RSPO2: variants seen among roughly 807,000 people sequenced by gnomAD.
RSPO2 encodes R-spondin 2.
Under a neutral mutation model 30.9 loss-of-function variants are expected in RSPO2, and 14 were observed. The observed-to-expected ratio is 0.45, with a 90% CI of 0.30 to 0.71. The LOEUF (loss-of-function observed/expected upper bound fraction) is 0.71, where lower values mean the gene tolerates loss of function less well. Ranked by LOEUF, RSPO2 falls within the 30% of genes least tolerant of loss-of-function variation. The probability of loss-of-function intolerance (pLI) is 0.08; values close to 1 mark genes in which losing one functional copy is unlikely to be tolerated. For missense variants in RSPO2, 264 were observed against 301.9 expected (o/e 0.87, Z 0.93); for synonymous variants, 107 against 96.4 (o/e 1.11, Z -0.64).
chr8:108,030,582 C>T (rs1371830336), intron 2 of RSPO2, among the ~76,000 whole-genome samples: 1 of 152,182 alleles, frequency 6.6e-6, no homozygotes, highest in African/African-American at 2.4e-5. Context: ...ACACACCATC[C>T]TTTAATCATC....
intron 2 of RSPO2, among the ~76,000 whole-genome samples, chr8:108,030,360 T>C (rs1811382358): frequency 6.6e-6 from 1 of 152,160 alleles, no homozygotes; most frequent in Non-Finnish European, 1.5e-5. Context: ...CAGTAGCAAC[T>C]TGGGACATTT....
intron 4 of RSPO2, among the ~76,000 whole-genome samples, chr8:107,960,046 C>T (rs534375569): frequency 6.6e-6 from 1 of 152,210 alleles, no homozygotes; most frequent in Non-Finnish European, 1.5e-5. Flanking sequence ...TAGCCACTGA[C>T]AGATCTTTAC....
chr8:108,080,878 A>G (rs1354094095), intron 2 of RSPO2, among the ~76,000 whole-genome samples: 1 of 152,182 alleles, frequency 6.6e-6, no homozygotes, highest in Non-Finnish European at 1.5e-5. Context: ...GCCTCTCCAA[A>G]CACTTTTGAC....
chr8:108,062,141 C>G (rs1423816551), intron 2 of RSPO2, among the ~76,000 whole-genome samples: 1 of 151,696 alleles, frequency 6.6e-6, no homozygotes, highest in Non-Finnish European at 1.5e-5. Context: ...GAAGCAGAAG[C>G]AAACACATTC....
chr8:108,076,049 G>A (rs925231589), intron 2 of RSPO2, among the ~76,000 whole-genome samples: 1 of 152,176 alleles, frequency 6.6e-6, no homozygotes, highest in African/African-American at 2.4e-5. Flanking sequence ...AACTATGAGG[G>A]AATAATTGAT....
intron 2 of RSPO2, among the ~76,000 whole-genome samples, chr8:108,069,038 G>A (rs1007683889): frequency 2.0e-5 from 3 of 152,184 alleles, no homozygotes; most frequent in Non-Finnish European, 4.4e-5. Flanking sequence ...TAGGCTAAGA[G>A]CCTTCATCTG....
chr8:108,055,624 T>C (rs1812220170), intron 2 of RSPO2, among the ~76,000 whole-genome samples: 1 of 152,090 alleles, frequency 6.6e-6, no homozygotes, highest in African/African-American at 2.4e-5. Context: ...TAATGGGTGT[T>C]GAGGAGAAAA....
rs767290459 is a variant in RSPO2, at chr8:107,951,043, G to GTTTTTTTTT, written c.616+7028_616+7036dup. On this transcript the variant is annotated intron_variant, in intron 5 of 5. Transcript: ENST00000276659. ...TGTGATGAGGCGATAGGGAGAATAAGTTTTTTTTTGTTGTTGTTGTTGTTG... is the reference window on the plus strand; with the variant it reads ...TGTGATGAGGCGATAGGGAGAATAAGTTTTTTTTTTTTTTTTTTGTTGTTGTTGTTGTTG... Among the ~76,000 whole-genome samples the GTTTTTTTTT allele has an allele frequency of 2.8e-4, 24 of 85,880 alleles. 1 individual carries two copies. Among genetic ancestry groups the GTTTTTTTTT allele is most frequent in the African/African-American group, 8.0e-4 (23 of 28,586 alleles). The allele number at this position is 85,880 out of a possible 152,430, so 56.3% of individuals were successfully genotyped here.
intron 5 of RSPO2, among the ~76,000 whole-genome samples, chr8:107,957,168 T>C (rs1813458952): frequency 6.6e-6 from 1 of 152,212 alleles, no homozygotes; most frequent in African/African-American, 2.4e-5. Flanking sequence ...TATATTCTCT[T>C]TCTGGGCTAT....
chr8:107,962,583 G>A (rs1813663287), intron 3 of RSPO2, among the ~76,000 whole-genome samples: 1 of 152,122 alleles, frequency 6.6e-6, no homozygotes, highest in Non-Finnish European at 1.5e-5. Context: ...CTTACATGCT[G>A]TAACCTATAT....
intron 5 of RSPO2, among the ~76,000 whole-genome samples, chr8:107,918,430 T>C (rs1286885840): frequency 6.6e-6 from 1 of 152,208 alleles, no homozygotes; most frequent in African/African-American, 2.4e-5. Context: ...ATGCCTTCTT[T>C]AAAGAATCAA....
intron 3 of RSPO2, among the ~76,000 whole-genome samples, chr8:107,986,010 C>T (rs1814614740): frequency 6.6e-6 from 1 of 152,156 alleles, no homozygotes; most frequent in African/African-American, 2.4e-5. Context: ...TTTCAAGTTT[C>T]ACTTACAAGA....
At position 108,079,592 on chromosome 8, in the gene RSPO2, AT is replaced by A. The variant is rs1813122718; in HGVS notation, c.94+2952del. Among the ~76,000 whole-genome samples the A allele has an allele frequency of 2.6e-5, 4 of 152,268 alleles. No individual in the cohort carries two copies. In the South Asian group the frequency reaches 8.3e-4, roughly 32 times the overall value. ...CCAAGAATTTTATTTCATTAAGAAA[AT>A]GATATTATGGAGCATGTGAGATCAT... On this transcript the variant is annotated intron_variant, in intron 2 of 5. Transcript: ENST00000276659.
At chr8:107,982,025 A>C (rs991877973) in intron 3 of RSPO2, among the ~76,000 whole-genome samples, 2 of 150,218 alleles carry the variant, frequency 1.3e-5, no homozygotes, top group African/African-American at 4.9e-5. Flanking sequence ...AAAAAAAAAA[A>C]AAAAAAAGGA....
intron 5 of RSPO2, among the ~76,000 whole-genome samples, chr8:107,942,236 A>G (rs971160651): frequency 6.6e-6 from 1 of 152,154 alleles, no homozygotes; most frequent in Non-Finnish European, 1.5e-5. Context: ...GCCCTGGGGA[A>G]AGGAGAAGGT....
intron 3 of RSPO2, among the ~76,000 whole-genome samples, chr8:107,973,046 G>A (rs973561157): frequency 2.0e-5 from 3 of 152,158 alleles, no homozygotes; most frequent in Admixed American, 1.3e-4. Context: ...TGAGGCAAGT[G>A]GATCACAAGG....
intron 3 of RSPO2, among the ~76,000 whole-genome samples, chr8:107,982,605 C>T (rs1814483842): frequency 6.6e-6 from 1 of 152,148 alleles, no homozygotes; most frequent in Non-Finnish European, 1.5e-5. Context: ...TTTAAATACA[C>T]TTAGAGGAAG....
intron 3 of RSPO2, chr8:107,983,578 T>C (rs1217122001): frequency 1.3e-5 from 21 of 1,599,938 alleles, no homozygotes; most frequent in South Asian, 3.3e-5. Context: ...AGCAGAGCCA[T>C]GTATTGGAAG....
chr8:107,921,259 G>A (rs527489528), intron 5 of RSPO2, among the ~76,000 whole-genome samples: 1 of 143,314 alleles, frequency 7.0e-6, no homozygotes, highest in African/African-American at 2.6e-5. Context: ...ATAGAAAATC[G>A]TTTTGATTAG....
Sources: gnomAD v4.1 joint callset for allele counts (sites outside exome capture counted in the v4.1 genomes callset) on GRCh38, gnomAD v4.1.1 for gene constraint, MANE v1.5 for transcripts, NCBI Gene and HGNC (gene_info 2026-07-23, HGNC 2026-07-21) for gene names.